Variants in SPIDR observed in about 807,000 individuals in gnomAD.
SPIDR encodes the protein DNA repair-scaffolding protein.
SPIDR carries 93 observed loss-of-function variants against 104.6 expected under a neutral mutation model. The ratio of observed to expected loss-of-function variants is 0.89; its 90% confidence interval spans 0.75 to 1.06. The LOEUF (loss-of-function observed/expected upper bound fraction) is 1.06, where lower values mean the gene tolerates loss of function less well. Ranked by LOEUF, SPIDR falls within the 50% of genes least tolerant of loss-of-function variation. The probability of loss-of-function intolerance (pLI) is 0.00; values close to 1 mark genes in which losing one functional copy is unlikely to be tolerated. For missense variants in SPIDR, 1,154 were observed against 1,111.2 expected, an observed-to-expected ratio of 1.04 and a Z score of -0.55; for synonymous variants, 431 against 416.9, an observed-to-expected ratio of 1.03 and a Z score of -0.41.
At chr8:47,454,899 T>C (rs186087022) in intron 8 of SPIDR, among the ~76,000 whole-genome samples, 1 of 151,692 alleles carries the variant, frequency 6.6e-6, no homozygotes, top group Non-Finnish European at 1.5e-5. Context: ...ATAATAATAA[T>C]AAATAAGAAT....
intron 5 of SPIDR, among the ~76,000 whole-genome samples, chr8:47,307,218 CTTCT>C (rs1443689904): frequency 2.7e-5 from 4 of 149,600 alleles, no homozygotes; most frequent in Non-Finnish European, 4.4e-5. Flanking sequence ...AAATTCCTTT[CTTCT>C]TTCTTTCTTC....
At position 47,482,793 on chromosome 8, in the gene SPIDR, C is replaced by T. The variant is rs184629724; in HGVS notation, c.1097+42251C>T. On this transcript the variant is annotated intron_variant, in intron 8 of 19. Transcript: ENST00000297423. ...TCTATTGTGGGTTTGATGCCCCCTC[C>T]CCACCTGAGTCCTCATGGGCAGCTG... Among the ~76,000 whole-genome samples the T allele has an allele frequency of 2.0e-3, 307 of 152,244 alleles. 1 individual carries two copies. Among genetic ancestry groups the T allele is most frequent in the Non-Finnish European group, 3.4e-3 (231 of 68,002 alleles).
At chr8:47,357,143 AGGAAATTAGG>A (rs1329062991) in intron 5 of SPIDR, among the ~76,000 whole-genome samples, 1 of 152,238 alleles carries the variant, frequency 6.6e-6, no homozygotes, top group Non-Finnish European at 1.5e-5. Context: ...TTAAATAGGT[AGGAAATTAGG>A]GGAAAGAGTG....
intron 11 of SPIDR, among the ~76,000 whole-genome samples, chr8:47,675,284 C>T (rs1198862001): frequency 2.0e-5 from 3 of 152,220 alleles, no homozygotes; most frequent in African/African-American, 2.4e-5. Context: ...GATCCACCCA[C>T]CTCAGCCTCC....
chr8:47,490,438 C>T (rs947705566), intron 8 of SPIDR, among the ~76,000 whole-genome samples: 6 of 152,170 alleles, frequency 3.9e-5, no homozygotes, highest in African/African-American at 9.7e-5. Flanking sequence ...GACAGTGTGG[C>T]GATTCCTCAA....
intron 11 of SPIDR, among the ~76,000 whole-genome samples, chr8:47,694,561 A>C (rs1441256135): frequency 1.3e-5 from 2 of 152,206 alleles, no homozygotes; most frequent in African/African-American, 4.8e-5. Context: ...TTGAGGCCAA[A>C]CATTGGAGAC....
At chr8:47,541,362 C>CA (rs1200677547) in intron 8 of SPIDR, among the ~76,000 whole-genome samples, 1 of 152,178 alleles carries the variant, frequency 6.6e-6, no homozygotes, top group Non-Finnish European at 1.5e-5. Flanking sequence ...CTGACTCAGA[C>CA]ACTTGCTTTT....
intron 5 of SPIDR, among the ~76,000 whole-genome samples, chr8:47,344,463 T>C (rs1381415040): frequency 6.6e-5 from 10 of 152,250 alleles, no homozygotes; most frequent in Non-Finnish European, 1.5e-4. Flanking sequence ...GCATGATTTA[T>C]AATCCTTTGG....
At chr8:47,333,544 T>TCC (rs1446465843) in intron 5 of SPIDR, among the ~76,000 whole-genome samples, 1 of 151,910 alleles carries the variant, frequency 6.6e-6, no homozygotes, top group Admixed American at 6.6e-5. Flanking sequence ...CCTCAGGTGA[T>TCC]CCCCACCTCA....
intron 8 of SPIDR, among the ~76,000 whole-genome samples, chr8:47,463,990 T>G (rs1554715404): frequency 6.6e-6 from 1 of 152,060 alleles, no homozygotes; most frequent in Non-Finnish European, 1.5e-5. Context: ...TAAGATAGTA[T>G]TAGAAGTTCT....
At chr8:47,550,450 G>T (rs555667406) in intron 8 of SPIDR, among the ~76,000 whole-genome samples, 20 of 152,166 alleles carry the variant, frequency 1.3e-4, no homozygotes, top group African/African-American at 4.3e-4. Context: ...ATTGAGTAGT[G>T]GTTTGTAGTT....
At chr8:47,412,458 T>A (rs1403622081) in intron 7 of SPIDR, among the ~76,000 whole-genome samples, 1 of 152,188 alleles carries the variant, frequency 6.6e-6, no homozygotes, top group African/African-American at 2.4e-5. Flanking sequence ...GTAACTCTCC[T>A]CTTCAAGTCC....
At chr8:47,261,054 G>A (rs1173138992) in intron 1 of SPIDR, 63 bp downstream of exon 1, 2 of 1,222,872 alleles carry the variant, frequency 1.6e-6, no homozygotes, top group Non-Finnish European at 2.0e-6. Context: ...GCGGCGGGCC[G>A]GCGCGGGGCT....
chr8:47,335,019 C>A (rs1474097848), intron 5 of SPIDR, among the ~76,000 whole-genome samples: 1 of 152,106 alleles, frequency 6.6e-6, no homozygotes, highest in African/African-American at 2.4e-5. Flanking sequence ...AGTATAATAG[C>A]AAAATTATCC....
At position 47,727,133 on chromosome 8, in the gene SPIDR, G is replaced by A. The variant is rs1000003501; in HGVS notation, c.2342-67G>A. 2.2e-6 allele frequency: 3 copies of A among 1,370,266 alleles called. No homozygotes were observed. The African/African-American group carries it at 4.3e-5, about 19-fold the overall frequency. 84.9% of individuals were successfully genotyped at this position (1,370,266 alleles called of 1,614,324 possible). On this transcript the variant is annotated intron_variant, in intron 16 of 19. Coordinates refer to ENST00000297423, the MANE Select transcript of SPIDR (RefSeq NM_001080394.4). ...GCCCCTCATGTTGTCCTCTGCACGT[G>A]GAGGAGCAGAGGAGTCAGAGAGGGC...
chr8:47,606,344 C>T (rs566888178), intron 10 of SPIDR, among the ~76,000 whole-genome samples: 82 of 151,040 alleles, frequency 5.4e-4, no homozygotes, highest in African/African-American at 1.7e-3. Context: ...ACGATGAAAC[C>T]CCGTCTTTAC....
chr8:47,440,856 T>C (rs2069293425), intron 8 of SPIDR, among the ~76,000 whole-genome samples: 1 of 152,222 alleles, frequency 6.6e-6, no homozygotes, highest in Admixed American at 6.5e-5. Context: ...AATAATTTTG[T>C]TAACAGGCAT....
intron 16 of SPIDR, among the ~76,000 whole-genome samples, chr8:47,714,543 T>A (rs1374085657): frequency 6.6e-6 from 1 of 152,256 alleles, no homozygotes; most frequent in South Asian, 2.1e-4. Flanking sequence ...AAGTCATACA[T>A]GTCTAGTGGA....
intron 8 of SPIDR, among the ~76,000 whole-genome samples, chr8:47,470,951 G>A (rs1372154789): frequency 6.6e-6 from 1 of 152,054 alleles, no homozygotes; most frequent in Non-Finnish European, 1.5e-5. Context: ...AGCCAGGATG[G>A]TCTCGATCTC....
Sources: gnomAD v4.1 joint callset for allele counts (sites outside exome capture counted in the v4.1 genomes callset) on GRCh38, gnomAD v4.1.1 for gene constraint, MANE v1.5 for transcripts, NCBI Gene and HGNC (gene_info 2026-07-23, HGNC 2026-07-21) for gene names.